Variants in RNF212B observed in about 807,000 individuals in gnomAD.
RNF212B encodes E3 ubiquitin-protein ligase RNF212B.
A neutral mutation model predicts 55.5 loss-of-function variants in RNF212B; 52 were observed. That is an observed-to-expected ratio of 0.94 (90% CI 0.75 to 1.18). RNF212B has a LOEUF of 1.18. Ranked by LOEUF, RNF212B falls within the 50% of genes most tolerant of loss-of-function variation. The pLI, the probability that RNF212B is intolerant of heterozygous loss-of-function variation, is 0.00. For missense variants in RNF212B, 289 were observed against 350.4 expected (o/e 0.82, Z 1.40); for synonymous variants, 99 against 121.4 (o/e 0.82, Z 1.21).
intron 2 of RNF212B, among the ~76,000 whole-genome samples, chr14:23,228,478 A>T (rs1270224183): frequency 6.6e-6 from 1 of 151,218 alleles, no homozygotes; most frequent in African/African-American, 2.4e-5. Context: ...AAAAAAAAAA[A>T]AAAAAAAAAT....
rs565259178 is a variant in RNF212B, at chr14:23,248,738, C to T, written c.228+4342C>T. Reference sequence around the variant, plus strand: ...TATGGGCATGAGCCATCACGCCCGGCCCCCAAGCCTCTTTTTATAAGGACA... The same window carrying T: ...TATGGGCATGAGCCATCACGCCCGGTCCCCAAGCCTCTTTTTATAAGGACA... On this transcript the variant is annotated intron_variant, in intron 4 of 14. Transcript: ENST00000430154. Among the ~76,000 whole-genome samples, 4 of 151,522 alleles carry T rather than the reference C, an allele frequency of 2.6e-5. No homozygotes were observed. The South Asian group carries it at 8.4e-4, about 32-fold the overall frequency.
chr14:23,270,588 T>C lies in RNF212B; in HGVS notation c.773-12T>C. ...AGTAAGTTATCTTTCACTGTTCCAT[T>C]CTATCCTTCAGCTCAGAGGGAGAGC... On this transcript the variant is annotated splice_polypyrimidine_tract_variant and intron_variant, in intron 13 of 14. Coordinates refer to ENST00000430154, the MANE Select transcript of RNF212B (RefSeq NM_001282322.3). 1 of 1,545,730 alleles carries C rather than the reference T, an allele frequency of 6.5e-7. No individual in the cohort carries two copies. Among genetic ancestry groups the C allele is most frequent in the Middle Eastern group, 1.7e-4 (1 of 5,984 alleles).
intron 13 of RNF212B, 25 bp from the exon 14 acceptor site, chr14:23,270,575 T>C: frequency 1.3e-6 from 2 of 1,530,992 alleles, no homozygotes; most frequent in Non-Finnish European, 1.8e-6. Flanking sequence ...TAAGTTATCT[T>C]TCACTGTTCC....
At chr14:23,218,305 T>G (rs1295984327) in intron 2 of RNF212B, among the ~76,000 whole-genome samples, 1 of 151,772 alleles carries the variant, frequency 6.6e-6, no homozygotes, top group African/African-American at 2.4e-5. Flanking sequence ...GAGGTGGAGG[T>G]TGCAGTGAGC....
chr14:23,232,009 GC>G, intron 2 of RNF212B, among the ~76,000 whole-genome samples: 1 of 152,328 alleles, frequency 6.6e-6, no homozygotes, highest in Middle Eastern at 3.4e-3. Context: ...CCACCTCCCA[GC>G]CGCCTGCCTT....
chr14:23,248,324 C>G (rs1264325523), intron 4 of RNF212B, among the ~76,000 whole-genome samples: 2 of 149,760 alleles, frequency 1.3e-5, no homozygotes, highest in African/African-American at 4.9e-5. Flanking sequence ...TTAATAGATA[C>G]AGGGTTTTAC....
At chr14:23,200,678 G>A (rs1020841773) in intron 2 of RNF212B, among the ~76,000 whole-genome samples, 4 of 152,144 alleles carry the variant, frequency 2.6e-5, no homozygotes, top group Admixed American at 2.6e-4. Flanking sequence ...TTCCGTGCCT[G>A]TCAGAAAGTG....
chr14:23,246,872 G>A (rs759920401), intron 4 of RNF212B, among the ~76,000 whole-genome samples: 1 of 152,212 alleles, frequency 6.6e-6, no homozygotes, highest in Non-Finnish European at 1.5e-5. Flanking sequence ...CGGGTGTGGT[G>A]GCTCACGCCT....
chr14:23,193,203 G>A (rs1030109910), intron 1 of RNF212B: 1 of 151,596 alleles, frequency 6.6e-6, no homozygotes, highest in Non-Finnish European at 1.5e-5. Flanking sequence ...AAATTGAGAA[G>A]GAATATGATT....
intron 2 of RNF212B, among the ~76,000 whole-genome samples, chr14:23,240,944 A>G (rs1883524651): frequency 6.6e-6 from 1 of 152,214 alleles, no homozygotes; most frequent in Non-Finnish European, 1.5e-5. Context: ...TAGTAGAATC[A>G]TTTTACAAAT....
chr14:23,262,969 A>G lies in RNF212B; in HGVS notation c.523A>G (p.Ser175Gly), dbSNP rs1940053466. 1.3e-6 allele frequency: 2 copies of G among 1,550,324 alleles called. No homozygotes were observed. The highest frequency in any genetic ancestry group is 1.2e-5 in the South Asian group (1 of 84,060). ...PSFQHSSQVV[S>G]RSSSAESIPY... ...TTTCCAGCATAGCAGTCAAGTGGTC[A>G]GGTAAACCTACACAGCAACATTAAA... Residue 175 changes from serine to glycine, a missense_variant and splice_region_variant, in exon 9 of 15, where the codon AGT becomes GGT. By Grantham distance (56) the Ser-to-Gly change is moderately conservative. Transcript: ENST00000430154.
intron 7 of RNF212B, among the ~76,000 whole-genome samples, chr14:23,261,489 C>G (rs559551924): frequency 6.6e-6 from 1 of 152,198 alleles, no homozygotes; most frequent in Non-Finnish European, 1.5e-5. Context: ...CACTACTCAT[C>G]CTTCAAAATT....
intron 2 of RNF212B, among the ~76,000 whole-genome samples, chr14:23,221,482 A>G (rs898739127): frequency 6.6e-6 from 1 of 152,238 alleles, no homozygotes; most frequent in Admixed American, 6.5e-5. Context: ...TAGAGTACCC[A>G]GATATATAAA....
chr14:23,270,308 A>G (rs1219492870), intron 13 of RNF212B, among the ~76,000 whole-genome samples: 2 of 152,206 alleles, frequency 1.3e-5, no homozygotes, highest in Non-Finnish European at 2.9e-5. Context: ...CATCTTTTTC[A>G]GTAAAGGTGG....
chr14:23,245,228 G>A (rs949822000), intron 4 of RNF212B, among the ~76,000 whole-genome samples: 2 of 152,054 alleles, frequency 1.3e-5, no homozygotes, highest in Non-Finnish European at 2.9e-5. Flanking sequence ...TTTCTTCAGT[G>A]TCCTGCCTCT....
At chr14:23,197,829 C>G (rs923394210) in intron 2 of RNF212B, among the ~76,000 whole-genome samples, 9 of 150,004 alleles carry the variant, frequency 6.0e-5, no homozygotes, top group Admixed American at 2.0e-4. Context: ...TGGGTGCAGG[C>G]GGGCTGAGTC....
chr14:23,243,694 CAAAAAAAAAAAA>C (rs761227119), intron 3 of RNF212B, among the ~76,000 whole-genome samples: 29 of 32,530 alleles, frequency 8.9e-4, no homozygotes, highest in African/African-American at 3.1e-3. Flanking sequence ...GACTCTGTCT[CAAAAAAAAAAAA>C]AAAAAAAAAA....
At chr14:23,262,333 G>C (rs901146382) in intron 7 of RNF212B, among the ~76,000 whole-genome samples, 1 of 152,172 alleles carries the variant, frequency 6.6e-6, no homozygotes, top group Admixed American at 6.5e-5. Flanking sequence ...AGGTGGATGA[G>C]AGGATGGAGG....
intron 2 of RNF212B, among the ~76,000 whole-genome samples, chr14:23,225,623 A>G (rs1170955115): frequency 1.3e-5 from 2 of 150,906 alleles, no homozygotes; most frequent in Non-Finnish European, 3.0e-5. Flanking sequence ...TCATGAAGAT[A>G]GAGAATAGAA....
Sources: allele counts gnomAD v4.1 joint callset (sites outside exome capture counted in the v4.1 genomes callset), GRCh38; gene constraint gnomAD v4.1.1; transcripts MANE v1.5; gene names NCBI Gene and HGNC (gene_info 2026-07-23, HGNC 2026-07-21).